FRY: variants seen among roughly 807,000 people sequenced by gnomAD.
The protein encoded by FRY is protein furry homolog.
In FRY, 128 loss-of-function variants were observed where a neutral mutation model predicts 348.4. The ratio of observed to expected loss-of-function variants is 0.37; its 90% CI spans 0.32 to 0.43. The LOEUF (loss-of-function observed/expected upper bound fraction) is 0.43, where lower values mean the gene tolerates loss of function less well. Among genes scored for constraint, FRY ranks in the 20% least tolerant of loss-of-function variants. The pLI is 1.00. For missense variants in FRY, 2,736 were observed against 3,695.2 expected (o/e 0.74, Z 6.73); for synonymous variants, 1,370 against 1,374.7 (o/e 1.00, Z 0.08).
At chr13:32,272,693 A>G (rs1051500684) in intron 55 of FRY, among the ~76,000 whole-genome samples, 1 of 152,032 alleles carries the variant, frequency 6.6e-6, no homozygotes, top group African/African-American at 2.4e-5. Context: ...TGTGCACTAG[A>G]AGTTCAGGGG....
chr13:32,038,825 T>C (rs1361924545), intron 1 of FRY, among the ~76,000 whole-genome samples: 2 of 152,192 alleles, frequency 1.3e-5, no homozygotes, highest in African/African-American at 4.8e-5. Flanking sequence ...CATGCAACAG[T>C]GTCAGAGAAG....
chr13:32,294,243 T>G (rs1467090372), intron 59 of FRY, 125 bp from the exon 60 acceptor site: 1 of 701,268 alleles, frequency 1.4e-6, no homozygotes, highest in Non-Finnish European at 2.5e-6. Context: ...ATCTATCCTA[T>G]CTGAATTTAC....
intron 1 of FRY, among the ~76,000 whole-genome samples, chr13:32,035,167 A>G (rs1872446691): frequency 6.6e-6 from 1 of 152,206 alleles, no homozygotes; most frequent in Non-Finnish European, 1.5e-5. Context: ...TTCAAATCGG[A>G]TGTAGACCAT....
At chr13:32,199,289 A>G (rs1883865284) in intron 29 of FRY, among the ~76,000 whole-genome samples, 1 of 152,218 alleles carries the variant, frequency 6.6e-6, no homozygotes, top group Non-Finnish European at 1.5e-5. Context: ...TCCTGAAAGA[A>G]GGATCTAGGT....
intron 58 of FRY, among the ~76,000 whole-genome samples, chr13:32,280,894 T>C (rs951894941): frequency 6.6e-6 from 1 of 152,356 alleles, no homozygotes; most frequent in Admixed American, 6.5e-5. Flanking sequence ...ATTTCTGTTG[T>C]GCTTGTGGTT....
chr13:32,158,160 G>A (rs1407329636), intron 16 of FRY, among the ~76,000 whole-genome samples: 1 of 151,958 alleles, frequency 6.6e-6, no homozygotes, highest in African/African-American at 2.4e-5. Flanking sequence ...TTTTGTGATA[G>A]TAACATGTGC....
intron 33 of FRY, among the ~76,000 whole-genome samples, chr13:32,210,427 A>G (rs900630265): frequency 4.6e-5 from 7 of 152,198 alleles, no homozygotes; most frequent in Non-Finnish European, 1.0e-4. Context: ...TTATTTTTAA[A>G]ATTTAAAACC....
In FRY at chr13:32,134,948, G is replaced by A. The variant is rs375995164; in HGVS notation, c.930G>A (p.Lys310=). 6.5e-5 allele frequency: 105 copies of A among 1,613,384 alleles called. No individual in the cohort carries two copies. Among genetic ancestry groups the A allele is most frequent in the Middle Eastern group, 3.3e-4 (2 of 6,060 alleles). ...TCGAGGTCAAAGACAAAGATATCAA[G>A]CATGCCTTGGCTGGGCTTTTTGTTG... ...YFLEVKDKDI[K]HALAGLFVEI... is the part of the protein sequence containing the mutation. The change falls in exon 9 of 61, where the codon AAG becomes AAA. Residue 310 remains lysine, a synonymous_variant. Transcript: ENST00000542859.
intron 17 of FRY, among the ~76,000 whole-genome samples, chr13:32,168,388 C>T (rs1374186963): frequency 6.6e-6 from 1 of 152,176 alleles, no homozygotes; most frequent in Non-Finnish European, 1.5e-5. Context: ...CCTCAAAGTC[C>T]ACTGATTTAA....
chr13:32,188,029 A>C (rs1883124323), intron 28 of FRY, among the ~76,000 whole-genome samples: 1 of 152,258 alleles, frequency 6.6e-6, no homozygotes, highest in African/African-American at 2.4e-5. Flanking sequence ...ACTGGAAAAT[A>C]TTTTTAACTG....
rs138434006 is a variant in FRY at position 32,255,913 on chromosome 13, C to A, written c.7416+1519C>A. Among the ~76,000 whole-genome samples, 13 of 152,202 alleles carry A rather than the reference C, an allele frequency of 8.5e-5. No homozygotes were observed. In the East Asian group the frequency reaches 2.5e-3, roughly 29 times the overall value. ...CACCTGTTTCCCTCTGGAAGTTATA[C>A]AAGGGAGGGAAAAAACGGATGAAGC... is the stretch of plus-strand genomic sequence containing the variant. On this transcript the variant is annotated intron_variant, in intron 51 of 60. Coordinates refer to ENST00000542859, the MANE Select transcript of FRY (RefSeq NM_023037.3).
chr13:32,206,241 G>T (rs1593739298), intron 31 of FRY, among the ~76,000 whole-genome samples: 1 of 152,264 alleles, frequency 6.6e-6, no homozygotes, highest in South Asian at 2.1e-4. Context: ...CACTTTTGCA[G>T]ACTGGTCCGA....
chr13:32,208,923 G>A lies in FRY; in HGVS notation c.4089G>A (p.Trp1363Ter). ...TCATGCTTACCTACCTGCTGCCCTG[G>A]CTGCACAACATCGAGCTGGTGGACA... ...RQIMLTYLLP[W>*]LHNIELVDSR... Residue 1363 changes from tryptophan to a stop codon, truncating the protein, a stop_gained, in exon 32 of 61, where the codon TGG becomes TGA. Coordinates refer to ENST00000542859, the MANE Select transcript of FRY (RefSeq NM_023037.3). LOFTEE classifies it high-confidence loss of function. 1 of 1,614,130 alleles carries A rather than the reference G, an allele frequency of 6.2e-7. No individual in the cohort carries two copies. The highest frequency in any genetic ancestry group is 8.5e-7 in the Non-Finnish European group (1 of 1,180,024).
chr13:32,135,001 GT>G lies in FRY; in HGVS notation c.978+8del. 1 of 1,603,094 alleles carries G rather than the reference GT, an allele frequency of 6.2e-7. No homozygotes were observed. Among genetic ancestry groups the G allele is most frequent in the African/African-American group, 1.3e-5 (1 of 74,834 alleles). ...ATACTTGTTCCAGTTGCTGCTGTGA[GT>G]TTCATTTCTAAAAACTCCTTCAAAT... is the stretch of plus-strand genomic sequence containing the variant. On this transcript the variant is annotated splice_donor_region_variant and intron_variant, in intron 9 of 60. Transcript: ENST00000542859.
intron 55 of FRY, among the ~76,000 whole-genome samples, chr13:32,269,120 A>G (rs747758300): frequency 6.6e-6 from 1 of 152,206 alleles, no homozygotes; most frequent in Non-Finnish European, 1.5e-5. Flanking sequence ...ACCTTCAGGA[A>G]GAGCCATGGC....
chr13:32,096,343 C>T (rs927406825), intron 2 of FRY, among the ~76,000 whole-genome samples: 1 of 151,688 alleles, frequency 6.6e-6, no homozygotes, highest in South Asian at 2.1e-4. Flanking sequence ...ATGGAGGAGA[C>T]AGACAAGTTA....
chr13:32,167,173 G>A (rs573192115), intron 17 of FRY, among the ~76,000 whole-genome samples: 7 of 152,288 alleles, frequency 4.6e-5, no homozygotes, highest in Admixed American at 3.3e-4. Context: ...CATGGCTTTC[G>A]TCCTTGGTGC....
chr13:32,095,843 G>C (rs1423058280), intron 2 of FRY, among the ~76,000 whole-genome samples: 1 of 152,132 alleles, frequency 6.6e-6, no homozygotes, highest in Non-Finnish European at 1.5e-5. Flanking sequence ...GAGACTTACG[G>C]ATCTTTCCCT....
chr13:32,217,588 C>T (rs1885068590), intron 35 of FRY, among the ~76,000 whole-genome samples: 2 of 152,218 alleles, frequency 1.3e-5, no homozygotes, highest in South Asian at 4.1e-4. Flanking sequence ...GAGGTAGAGG[C>T]CTTGGCCATG....
Sources: gnomAD v4.1 joint callset for allele counts (sites outside exome capture counted in the v4.1 genomes callset) on GRCh38, gnomAD v4.1.1 for gene constraint, MANE v1.5 for transcripts, NCBI Gene and HGNC (gene_info 2026-07-23, HGNC 2026-07-21) for gene names.